The following DCC variants were observed in gnomAD, a reference collection of about 807,000 sequenced individuals.
DCC encodes netrin receptor DCC.
Under a neutral mutation model 172.5 loss-of-function variants are expected in DCC, and 58 were observed. The observed-to-expected ratio is 0.34, with a 90% confidence interval of 0.27 to 0.42. DCC has a LOEUF of 0.42. DCC is among the 10% of genes least tolerant of loss of function. The probability of loss-of-function intolerance (pLI) is 1.00; values close to 1 mark genes in which losing one functional copy is unlikely to be tolerated. For synonymous variants in DCC, 709 were observed against 644.5 expected (o/e 1.10, Z -1.52); for missense variants, 1,740 against 1,791.0 (o/e 0.97, Z 0.51).
intron 12 of DCC, among the ~76,000 whole-genome samples, chr18:53,260,810 A>G (rs879593005): frequency 2.6e-5 from 4 of 152,160 alleles, no homozygotes; most frequent in African/African-American, 4.8e-5. Flanking sequence ...GGTGGAGTCT[A>G]CAGAGGCAGG....
chr18:53,134,172 C>A (rs1473266588), intron 7 of DCC, among the ~76,000 whole-genome samples: 2 of 152,218 alleles, frequency 1.3e-5, no homozygotes, highest in Non-Finnish European at 2.9e-5. Flanking sequence ...TGCTGTACTG[C>A]AGGTTTATTA....
At chr18:53,312,943 A>AGT (rs1353368851) in intron 13 of DCC, among the ~76,000 whole-genome samples, 3 of 33,236 alleles carry the variant, frequency 9.0e-5, no homozygotes, top group Non-Finnish European at 2.0e-4. Flanking sequence ...AGGGAAAGGG[A>AGT]GGGGAGGGAA....
chr18:52,379,154 C>G (rs149532024), intron 1 of DCC, among the ~76,000 whole-genome samples: 2,020 of 152,260 alleles, frequency 0.013, 15 homozygotes, highest in Middle Eastern at 0.027. Context: ...TATTCACAGA[C>G]TCATTTAGCT....
intron 7 of DCC, among the ~76,000 whole-genome samples, chr18:53,074,170 A>T (rs1191264731): frequency 6.6e-6 from 1 of 152,182 alleles, no homozygotes; most frequent in Non-Finnish European, 1.5e-5. Context: ...GAGAAAAGTT[A>T]CTATGATTTA....
intron 12 of DCC, among the ~76,000 whole-genome samples, chr18:53,285,100 C>T (rs915071389): frequency 1.3e-5 from 2 of 151,992 alleles, no homozygotes; most frequent in Admixed American, 6.6e-5. Flanking sequence ...TGCAGCCTGA[C>T]AATTTGATGG....
chr18:52,404,746 T>A (rs2144385532), intron 1 of DCC, among the ~76,000 whole-genome samples: 1 of 151,666 alleles, frequency 6.6e-6, no homozygotes, highest in African/African-American at 2.4e-5. Flanking sequence ...TGTGCGATGC[T>A]GGTGCGCTGC....
chr18:53,326,332 C>T (rs1306241318), intron 14 of DCC, among the ~76,000 whole-genome samples: 3 of 152,178 alleles, frequency 2.0e-5, no homozygotes, highest in African/African-American at 7.2e-5. Context: ...GAGCATTTAA[C>T]TGCATAAATA....
chr18:52,679,477 T>C (rs1256751127), intron 1 of DCC, among the ~76,000 whole-genome samples: 1 of 152,158 alleles, frequency 6.6e-6, no homozygotes, highest in Non-Finnish European at 1.5e-5. Flanking sequence ...AGGGTGTATA[T>C]TCATATAGCC....
intron 20 of DCC, 22 bp from the exon 21 acceptor site, chr18:53,416,102 G>A (rs559277240): frequency 1.4e-5 from 22 of 1,592,144 alleles, no homozygotes; most frequent in African/African-American, 1.2e-4. Flanking sequence ...GTCTAATAAT[G>A]TTATTTCTTT....
chr18:53,529,844 G>A (rs1354159760), intron 28 of DCC, among the ~76,000 whole-genome samples: 1 of 152,172 alleles, frequency 6.6e-6, no homozygotes, highest in Non-Finnish European at 1.5e-5. Context: ...CTTATAGTGA[G>A]TGAGTTTACA....
chr18:52,409,434 T>A (rs1253153603), intron 1 of DCC, among the ~76,000 whole-genome samples: 11 of 152,150 alleles, frequency 7.2e-5, no homozygotes, highest in African/African-American at 2.7e-4. Flanking sequence ...CTGTTTTTTC[T>A]TAGCTTATAA....
intron 2 of DCC, among the ~76,000 whole-genome samples, chr18:52,807,865 T>C (rs2038117199): frequency 6.6e-6 from 1 of 151,830 alleles, no homozygotes; most frequent in Non-Finnish European, 1.5e-5. Context: ...CATCCAATCA[T>C]ACACCTCATC....
At chr18:53,087,810 T>G (rs2042937609) in intron 7 of DCC, among the ~76,000 whole-genome samples, 1 of 152,182 alleles carries the variant, frequency 6.6e-6, no homozygotes. Context: ...CAGTTTCAGC[T>G]TTCTACATAT....
At chr18:52,501,780 G>A (rs1046158196) in intron 1 of DCC, among the ~76,000 whole-genome samples, 3 of 152,056 alleles carry the variant, frequency 2.0e-5, no homozygotes, top group African/African-American at 7.2e-5. Flanking sequence ...GTTGCTTAGG[G>A]CACATATACT....
intron 5 of DCC, among the ~76,000 whole-genome samples, chr18:52,957,480 A>C (rs148586801): frequency 1.3e-5 from 2 of 152,164 alleles, no homozygotes; most frequent in Admixed American, 6.5e-5. Flanking sequence ...GAGTGTTTTT[A>C]ACAAGTATTT....
At chr18:52,977,576 A>G (rs2041138287) in intron 5 of DCC, among the ~76,000 whole-genome samples, 1 of 152,124 alleles carries the variant, frequency 6.6e-6, no homozygotes, top group Admixed American at 6.5e-5. Flanking sequence ...AGGGGCTATT[A>G]GTGATGCTTT....
At chr18:52,546,486 A>ACTTACCC (rs1206543563) in intron 1 of DCC, among the ~76,000 whole-genome samples, 2 of 152,130 alleles carry the variant, frequency 1.3e-5, no homozygotes, top group African/African-American at 4.8e-5. Flanking sequence ...CTTACCTCTG[A>ACTTACCC]CAGTTCTTGA....
chr18:53,277,910 A>G (rs775798983), intron 12 of DCC, among the ~76,000 whole-genome samples: 2 of 152,186 alleles, frequency 1.3e-5, no homozygotes, highest in African/African-American at 2.4e-5. Context: ...GAAAAAGAAA[A>G]TGGCATATTC....
chr18:52,972,809 C>T (rs893201226), intron 5 of DCC, among the ~76,000 whole-genome samples: 1 of 152,138 alleles, frequency 6.6e-6, no homozygotes, highest in Non-Finnish European at 1.5e-5. Context: ...TTATTTGGTG[C>T]TTAGCATTTA....
Sources: allele counts gnomAD v4.1 joint callset (sites outside exome capture counted in the v4.1 genomes callset), GRCh38; gene constraint gnomAD v4.1.1; transcripts MANE v1.5; gene names NCBI Gene and HGNC (gene_info 2026-07-23, HGNC 2026-07-21).